LRCH2: variants seen among roughly 807,000 people sequenced by gnomAD.
LRCH2 encodes the protein leucine rich repeats and calponin homology domain containing 2.
A neutral mutation model predicts 68.9 loss-of-function variants in LRCH2; 38 were observed. The ratio of observed to expected loss-of-function variants is 0.55; its 90% CI spans 0.43 to 0.72. The LOEUF is 0.72. Ranked by LOEUF, LRCH2 falls within the 30% of genes least tolerant of loss-of-function variation. LRCH2 has a pLI of 0.00. For synonymous variants in LRCH2, 191 were observed against 208.1 expected (o/e 0.92, Z 0.71); for missense variants, 528 against 572.9 (o/e 0.92, Z 0.80).
chrX:115,166,020 A>AT, intron 7 of LRCH2, 68 bp from the exon 8 acceptor site: 1 of 799,711 alleles, frequency 1.3e-6, no homozygotes, highest in East Asian at 3.5e-5. Flanking sequence ...TGTTACTTCA[A>AT]TTTTACATAT....
At chrX:115,151,506 A>T (rs1030252389) in intron 12 of LRCH2, among the ~76,000 whole-genome samples, 1 of 111,698 alleles carries the variant, frequency 9.0e-6, no homozygotes, top group African/African-American at 3.2e-5. Flanking sequence ...AATATAAAGA[A>T]GAAATCACAA....
intron 12 of LRCH2, among the ~76,000 whole-genome samples, chrX:115,152,284 C>T (rs782567088): frequency 9.0e-6 from 1 of 111,322 alleles, no homozygotes; most frequent in South Asian, 3.8e-4. Context: ...AAATTATTTC[C>T]AAGTAATTTA....
At chrX:115,145,930 C>T (rs1295969122) in intron 14 of LRCH2, among the ~76,000 whole-genome samples, 1 of 112,129 alleles carries the variant, frequency 8.9e-6, no homozygotes, top group Non-Finnish European at 1.9e-5. Context: ...AGCAATCCTA[C>T]TGCTGGGTAT....
At chrX:115,221,062 A>AGCTACTCGG (rs2073075668) in intron 1 of LRCH2, among the ~76,000 whole-genome samples, 1 of 105,292 alleles carries the variant, frequency 9.5e-6, no homozygotes, top group Non-Finnish European at 1.9e-5. Context: ...CTGTAGTCCC[A>AGCTACTCGG]GCTACTCGGG....
At chrX:115,190,930 A>T (rs782489605) in intron 1 of LRCH2, 2 of 1,160,493 alleles carry the variant, frequency 1.7e-6, no homozygotes, top group Non-Finnish European at 2.3e-6. Flanking sequence ...GGGCCACGAC[A>T]ATTCCAGCTG....
At chrX:115,177,529 G>A (rs782690436) in intron 5 of LRCH2, among the ~76,000 whole-genome samples, 38 of 111,626 alleles carry the variant, frequency 3.4e-4, no homozygotes, top group Non-Finnish European at 6.6e-4. Flanking sequence ...TTCAGTATGC[G>A]GTCTCGCTCT....
Position 115,189,984 on chromosome X carries a change from G to A in LRCH2, c.350-1614C>T, listed in dbSNP as rs1366838544. ...GCGTTGGCTGTGGAATGCGCGGGAA[G>A]GCACCGACTGTGTCGGGGCAAGATG... On this transcript the variant is annotated intron_variant, in intron 1 of 20. Transcript: ENST00000317135. 7.7e-6 allele frequency: 9 copies of A among 1,162,971 alleles called. No homozygotes were observed. In the East Asian group the frequency reaches 9.8e-5, roughly 13 times the overall value.
chrX:115,182,831 CAAAAAAA>C (rs1164477909), intron 3 of LRCH2, among the ~76,000 whole-genome samples: 2 of 26,278 alleles, frequency 7.6e-5, no homozygotes, highest in East Asian at 1.3e-3. Context: ...AACTTCGTCT[CAAAAAAA>C]AAAAAAAAAA....
rs781889224 is a variant in LRCH2 at position 115,184,548 on chromosome X, T to C, written c.495-11A>G. On this transcript the variant is annotated splice_polypyrimidine_tract_variant and intron_variant, in intron 2 of 20. Transcript: ENST00000317135. ...GATAAAAGATTTCGGCTGAAAAGAA[T>C]GAGAAAGTTTCATTACGAGAATATG... is the stretch of plus-strand genomic sequence containing the variant. The C allele has an allele frequency of 2.9e-5, 33 of 1,133,243 alleles. No homozygotes were observed. Among genetic ancestry groups the C allele is most frequent in the Non-Finnish European group, 3.7e-5 (32 of 856,085 alleles). 93.4% of individuals were successfully genotyped at this position (1,133,243 alleles called of 1,213,427 possible). A position where few individuals can be genotyped will look rare whatever the true frequency, so the allele number is the denominator to read the frequency against.
At chrX:115,214,280 A>C (rs988448980) in intron 1 of LRCH2, among the ~76,000 whole-genome samples, 21 of 112,267 alleles carry the variant, frequency 1.9e-4, no homozygotes, top group African/African-American at 6.8e-4. Flanking sequence ...AAGGCACCAC[A>C]GCTGTCTGTC....
Position 115,190,748 on chromosome X carries a change from G to T in LRCH2, c.350-2378C>A, listed in dbSNP as rs2072795211. On this transcript the variant is annotated intron_variant, in intron 1 of 20. Transcript: ENST00000317135. ...GGCCGCTCACACGAGGCCCGCAGCGGGGGCCGCTCCACTGATGCCCACAGC... is the reference window on the plus strand; with the variant it reads ...GGCCGCTCACACGAGGCCCGCAGCGTGGGCCGCTCCACTGATGCCCACAGC... 5.2e-6 allele frequency: 6 copies of T among 1,164,646 alleles called. No individual in the cohort carries two copies. In the Admixed American group the frequency reaches 7.8e-5, roughly 15 times the overall value.
At chrX:115,217,041 G>A in intron 1 of LRCH2, among the ~76,000 whole-genome samples, 1 of 111,405 alleles carries the variant, frequency 9.0e-6, no homozygotes. Context: ...AAGAAAACCT[G>A]GCAACTTCTA....
In LRCH2 at chrX:115,113,075, T is replaced by C; in HGVS notation, c.*141A>G. 2.1e-6 allele frequency: 1 copy of C among 479,379 alleles called. No individual in the cohort carries two copies. Among genetic ancestry groups the C allele is most frequent in the Non-Finnish European group, 3.1e-6 (1 of 321,807 alleles). The allele number at this position is 479,379 out of a possible 1,213,427, so 39.5% of individuals were successfully genotyped here. A position where few individuals can be genotyped will look rare whatever the true frequency, so the allele number is the denominator to read the frequency against. ...GGCAATTCAATGTTTAAGTTTGATG[T>C]TTCAATGTAATTTTTTTAAAATCCT... On this transcript the variant is annotated 3_prime_UTR_variant, in exon 21 of 21. Coordinates refer to ENST00000317135, the MANE Select transcript of LRCH2 (RefSeq NM_020871.4).
chrX:115,136,694 G>A (rs937851760), intron 14 of LRCH2, among the ~76,000 whole-genome samples: 9 of 111,556 alleles, frequency 8.1e-5, no homozygotes, highest in East Asian at 2.8e-4. Context: ...ACAAAGAGCA[G>A]TTTAATGAGG....
At chrX:115,192,306 C>G (rs1556561129) in intron 1 of LRCH2, 2 of 1,161,192 alleles carry the variant, frequency 1.7e-6, no homozygotes, top group Non-Finnish European at 2.3e-6. Flanking sequence ...ACCGAGGCCC[C>G]TCGCCTGACG....
At chrX:115,166,990 T>G (rs899686766) in intron 6 of LRCH2, among the ~76,000 whole-genome samples, 1 of 108,575 alleles carries the variant, frequency 9.2e-6, no homozygotes, top group Non-Finnish European at 1.9e-5. Context: ...ATTACATATT[T>G]ATTGTGAAAA....
At chrX:115,114,100 A>T (rs1467130623) in intron 20 of LRCH2, among the ~76,000 whole-genome samples, 2 of 111,561 alleles carry the variant, frequency 1.8e-5, no homozygotes, top group Non-Finnish European at 3.8e-5. Context: ...TAACAGACAT[A>T]TCAAAATCAA....
At chrX:115,177,261 A>G (rs1247784067) in intron 5 of LRCH2, among the ~76,000 whole-genome samples, 1 of 109,333 alleles carries the variant, frequency 9.1e-6, no homozygotes, top group Non-Finnish European at 1.9e-5. Context: ...AAAAGGGATA[A>G]TAAAAAACAA....
chrX:115,184,764 T>C (rs1556553852), intron 2 of LRCH2, among the ~76,000 whole-genome samples: 1 of 111,955 alleles, frequency 8.9e-6, no homozygotes, highest in African/African-American at 3.2e-5. Flanking sequence ...TTATCTCCAT[T>C]ATACAAATCA....
Sources: gnomAD v4.1 joint callset for allele counts (sites outside exome capture counted in the v4.1 genomes callset) on GRCh38, gnomAD v4.1.1 for gene constraint, MANE v1.5 for transcripts, NCBI Gene and HGNC (gene_info 2026-07-23, HGNC 2026-07-21) for gene names.